The following ZBBX variants were observed in gnomAD, a reference collection of about 807,000 sequenced individuals.
ZBBX encodes the protein zinc finger B-box domain containing.
A neutral mutation model predicts 108.5 loss-of-function variants in ZBBX; 101 were observed. The observed-to-expected ratio is 0.93, with a 90% CI of 0.79 to 1.10. The LOEUF (loss-of-function observed/expected upper bound fraction) is 1.10. ZBBX is among the 50% of genes least tolerant of loss of function. ZBBX has a pLI of 0.00. For missense variants in ZBBX, 1,009 were observed against 941.4 expected (o/e 1.07, Z -0.94); for synonymous variants, 356 against 323.4 (o/e 1.10, Z -1.08).
At chr3:167,399,147 C>G (rs1004865849) in intron 1 of ZBBX, among the ~76,000 whole-genome samples, 1 of 151,980 alleles carries the variant, frequency 6.6e-6, no homozygotes, top group African/African-American at 2.4e-5. Flanking sequence ...TTCTCACTTA[C>G]TCACTCATGC....
the ZBBX span, among the ~76,000 whole-genome samples, chr3:167,234,363 T>C: frequency 1.3e-5 from 2 of 151,868 alleles, no homozygotes; most frequent in Admixed American, 6.6e-5. Flanking sequence ...TGAAAATCTT[T>C]GCAAAAGCAG....
intron 18 of ZBBX, among the ~76,000 whole-genome samples, chr3:167,291,245 C>T (rs1009007932): frequency 2.6e-5 from 4 of 151,974 alleles, no homozygotes; most frequent in African/African-American, 9.7e-5. Flanking sequence ...AACCCCATGA[C>T]ACATAATCCT....
the ZBBX span, among the ~76,000 whole-genome samples, chr3:167,214,801 G>C: frequency 1.3e-5 from 2 of 152,040 alleles, no homozygotes; most frequent in Non-Finnish European, 2.9e-5. Flanking sequence ...TCTCAGACCA[G>C]TGCAATAAAA....
At chr3:167,371,162 C>T (rs1288226696) in intron 4 of ZBBX, among the ~76,000 whole-genome samples, 1 of 152,154 alleles carries the variant, frequency 6.6e-6, no homozygotes, top group Non-Finnish European at 1.5e-5. Flanking sequence ...GACGTACAGG[C>T]CAGGGAATAG....
chr3:167,300,849 C>T (rs139296534), intron 17 of ZBBX, among the ~76,000 whole-genome samples: 7,530 of 151,220 alleles, frequency 0.05, 508 homozygotes, highest in African/African-American at 0.15. Flanking sequence ...AACTCCTGAC[C>T]TTGTGATCCA....
chr3:167,278,347 C>A, intron 20 of ZBBX, among the ~76,000 whole-genome samples: 1 of 151,022 alleles, frequency 6.6e-6, no homozygotes, highest in African/African-American at 2.4e-5. Flanking sequence ...ATTGATAAAC[C>A]ACTAGCAAGA....
At chr3:167,338,663 TAGAAG>T (rs934634005) in intron 9 of ZBBX, among the ~76,000 whole-genome samples, 95 of 152,250 alleles carry the variant, frequency 6.2e-4, no homozygotes, top group African/African-American at 2.0e-3. Flanking sequence ...CACAAAATTT[TAGAAG>T]AGATTTATTG....
At position 167,317,068 on chromosome 3, in the gene ZBBX, C is replaced by T; in HGVS notation, c.1131G>A (p.Leu377=). 1 of 1,610,690 alleles carries T rather than the reference C, an allele frequency of 6.2e-7. No individual in the cohort carries two copies. Among genetic ancestry groups the T allele is most frequent in the Non-Finnish European group, 8.5e-7 (1 of 1,177,906 alleles). The change falls in exon 14 of 22, where the codon TTG becomes TTA. Residue 377 remains leucine, a synonymous_variant. Coordinates refer to ENST00000675490, the MANE Select transcript of ZBBX (RefSeq NM_001199201.2). ...TCTCTATGTTTAATGTTTCTACTGG[C>T]AATAAAAGAGCTGTGTGTTGTACTT... The part of the protein sequence containing the change: ...ETKVQHTALL[L]PVETLNIERP...
In ZBBX at chr3:167,269,641, T is replaced by A. The variant is rs1008799377; in HGVS notation, c.2254+12597A>T. Among the ~76,000 whole-genome samples, 4 of 152,314 alleles carry A rather than the reference T, an allele frequency of 2.6e-5. 1 individual carries two copies. The highest frequency in any genetic ancestry group is 2.6e-4 in the Admixed American group (4 of 15,302). ...GGACAGATAGGGTTAAAGCCCATAA[T>A]TGAAAGTGTCATGAAAGATGGGCTT... is the stretch of plus-strand genomic sequence containing the variant. On this transcript the variant is annotated intron_variant, in intron 20 of 21. Coordinates refer to ENST00000675490, the MANE Select transcript of ZBBX (RefSeq NM_001199201.2).
At chr3:167,258,188 C>T (rs539885409) in intron 20 of ZBBX, among the ~76,000 whole-genome samples, 96 of 152,190 alleles carry the variant, frequency 6.3e-4, no homozygotes, top group African/African-American at 2.3e-3. Context: ...CACTTCTACA[C>T]TGCTGGTGGG....
chr3:167,330,335 T>C (rs377252369), intron 10 of ZBBX, among the ~76,000 whole-genome samples: 3 of 152,164 alleles, frequency 2.0e-5, no homozygotes, highest in Non-Finnish European at 4.4e-5. Flanking sequence ...TTATAAACCT[T>C]TTTTTAAAGA....
intron 20 of ZBBX, among the ~76,000 whole-genome samples, chr3:167,246,038 A>G (rs1304673676): frequency 6.6e-6 from 1 of 152,124 alleles, no homozygotes; most frequent in Non-Finnish European, 1.5e-5. Context: ...ATGGGCAATT[A>G]CTGCATTGCC....
intron 20 of ZBBX, among the ~76,000 whole-genome samples, chr3:167,246,486 C>G (rs1157959713): frequency 6.6e-6 from 1 of 152,134 alleles, no homozygotes; most frequent in East Asian, 1.9e-4. Context: ...TGTCTAGTAT[C>G]TGGTGCATTT....
chr3:167,286,899 A>G (rs888378434), intron 19 of ZBBX, among the ~76,000 whole-genome samples: 2 of 152,154 alleles, frequency 1.3e-5, no homozygotes, highest in African/African-American at 4.8e-5. Flanking sequence ...TACTGGCATC[A>G]GTGCAGAATA....
upstream of ZBBX, chr3:167,381,463 C>T (rs1747714214): frequency 6.6e-6 from 1 of 152,140 alleles, no homozygotes; most frequent in Non-Finnish European, 1.5e-5. Context: ...AAGCCAGGCC[C>T]ATATTGAGTG....
chr3:167,359,867 T>C lies in ZBBX; in HGVS notation c.432+3A>G, dbSNP rs375046490. 3.5e-6 allele frequency: 5 copies of C among 1,434,336 alleles called. No individual in the cohort carries two copies. In the Admixed American group the frequency reaches 5.6e-5, roughly 16 times the overall value. The allele number at this position is 1,434,336 out of a possible 1,614,324, so 88.9% of individuals were successfully genotyped here. ...ATGTATATATACTATATAACGTACATACCAGTAGAGCAGCTTTGTTCTCAC... is the reference window on the plus strand; with the variant it reads ...ATGTATATATACTATATAACGTACACACCAGTAGAGCAGCTTTGTTCTCAC... On this transcript the variant is annotated splice_donor_region_variant and intron_variant, in intron 8 of 21. Transcript: ENST00000675490.
At chr3:167,225,799 T>C in the ZBBX span, among the ~76,000 whole-genome samples, 1 of 151,764 alleles carries the variant, frequency 6.6e-6, no homozygotes, top group Non-Finnish European at 1.5e-5. Context: ...CTCTGATGGT[T>C]GAGGATCCAG....
At chr3:167,235,195 G>A (rs1263269249), downstream of ZBBX, among the ~76,000 whole-genome samples, 1 of 151,600 alleles carries the variant, frequency 6.6e-6, no homozygotes, top group Non-Finnish European at 1.5e-5. Flanking sequence ...TTCTTATAGG[G>A]CTATGACATA....
At chr3:167,264,495 T>C (rs1427225346) in intron 20 of ZBBX, among the ~76,000 whole-genome samples, 1 of 152,218 alleles carries the variant, frequency 6.6e-6, no homozygotes, top group Non-Finnish European at 1.5e-5. Context: ...TGAAAACTAA[T>C]AAAAACTCTA....
Sources: gnomAD v4.1 joint callset for allele counts (sites outside exome capture counted in the v4.1 genomes callset) on GRCh38, gnomAD v4.1.1 for gene constraint, MANE v1.5 for transcripts, NCBI Gene and HGNC (gene_info 2026-07-23, HGNC 2026-07-21) for gene names.